The following NPR3 variants were observed in gnomAD, a reference collection of about 807,000 sequenced individuals.
The protein encoded by NPR3 is natriuretic peptide receptor 3.
A neutral mutation model predicts 54.5 loss-of-function variants in NPR3; 34 were observed. The observed-to-expected ratio is 0.62, with a 90% CI of 0.47 to 0.83. The LOEUF is 0.83. NPR3 is among the 40% of genes least tolerant of loss of function. NPR3 has a pLI of 0.00. For synonymous variants in NPR3, 289 were observed against 297.1 expected, an observed-to-expected ratio of 0.97 and a Z score of 0.28; for missense variants, 674 against 720.8, an observed-to-expected ratio of 0.94 and a Z score of 0.74.
chr5:32,779,137 A>T (rs932185263), intron 4 of NPR3, among the ~76,000 whole-genome samples: 3 of 152,174 alleles, frequency 2.0e-5, no homozygotes, highest in Admixed American at 6.5e-5. Context: ...ACCCACATAC[A>T]TGCCCTCTCC....
At chr5:32,781,394 A>G (rs956960400) in intron 5 of NPR3, among the ~76,000 whole-genome samples, 4 of 152,214 alleles carry the variant, frequency 2.6e-5, no homozygotes, top group Non-Finnish European at 5.9e-5. Context: ...AATTATAAAT[A>G]TACATATACA....
chr5:32,785,886 C>G (rs1742590890), intron 7 of NPR3, among the ~76,000 whole-genome samples: 1 of 152,202 alleles, frequency 6.6e-6, no homozygotes, highest in Non-Finnish European at 1.5e-5. Flanking sequence ...CAATTGTATT[C>G]CTGTTCCTTT....
Position 32,712,347 on chromosome 5 carries a change from C to G in NPR3, c.571C>G (p.Leu191Val). The G allele has an allele frequency of 6.2e-7, 1 of 1,613,078 alleles. No homozygotes were observed. The change falls in exon 1 of 8, where the codon CTG becomes GTG. Residue 191 changes from leucine (L) to valine (V), a missense_variant. Transcript: ENST00000265074. ...YAKMGEMMLA[L>V]FRHHHWSRAA... ...CAAGATGGGCGAGATGATGCTCGCC[C>G]TGTTCCGCCACCACCACTGGAGCCG...
chr5:32,725,320 A>G (rs1739084807), intron 2 of NPR3, among the ~76,000 whole-genome samples: 2 of 152,234 alleles, frequency 1.3e-5, no homozygotes, highest in African/African-American at 4.8e-5. Flanking sequence ...AGTTATGTCC[A>G]TAAATGTGAT....
intron 2 of NPR3, among the ~76,000 whole-genome samples, chr5:32,738,373 TA>T (rs1739862722): frequency 6.6e-6 from 1 of 151,972 alleles, no homozygotes; most frequent in Non-Finnish European, 1.5e-5. Flanking sequence ...CACTTATGAG[TA>T]ACATCACTAA....
At chr5:32,771,850 C>T (rs1312051228) in intron 3 of NPR3, among the ~76,000 whole-genome samples, 1 of 152,028 alleles carries the variant, frequency 6.6e-6, no homozygotes, top group African/African-American at 2.4e-5. Context: ...CAGAGCTTTC[C>T]GAGGGCACCT....
intron 3 of NPR3, among the ~76,000 whole-genome samples, chr5:32,749,234 C>T (rs73076082): frequency 0.11 from 17,418 of 152,008 alleles, 1,147 homozygotes; most frequent in Middle Eastern, 0.18. Flanking sequence ...AAAAAAGGTG[C>T]TTCTTACAAT....
chr5:32,695,466 C>T (rs1344514175), intron 1 of NPR3, among the ~76,000 whole-genome samples: 2 of 152,150 alleles, frequency 1.3e-5, no homozygotes, highest in Non-Finnish European at 2.9e-5. Flanking sequence ...GACGGAGTTT[C>T]ACGGTGTTAG....
At chr5:32,720,793 C>T (rs908423524) in intron 1 of NPR3, among the ~76,000 whole-genome samples, 2 of 152,176 alleles carry the variant, frequency 1.3e-5, no homozygotes, top group Non-Finnish European at 2.9e-5. Flanking sequence ...ATCTTATCAC[C>T]TGTTGGTAGG....
chr5:32,786,054 C>T (rs1468574519), intron 7 of NPR3, among the ~76,000 whole-genome samples, 180 bp from the exon 8 acceptor site: 1 of 152,206 alleles, frequency 6.6e-6, no homozygotes, highest in Admixed American at 6.5e-5. Context: ...AATTTTCTCT[C>T]TTGAATAAGG....
At chr5:32,723,204 C>T (rs1477685492) in intron 1 of NPR3, among the ~76,000 whole-genome samples, 1 of 152,188 alleles carries the variant, frequency 6.6e-6, no homozygotes, top group Non-Finnish European at 1.5e-5. Flanking sequence ...CAGGTCTCTC[C>T]AGGTCTCTCT....
chr5:32,734,762 A>G (rs700923), intron 2 of NPR3, among the ~76,000 whole-genome samples: 39,785 of 152,116 alleles, frequency 0.26, 5,449 homozygotes, highest in African/African-American at 0.34. Context: ...TTTAAATATG[A>G]CAAGTGTGAC....
At chr5:32,756,810 C>T (rs1740867653) in intron 3 of NPR3, among the ~76,000 whole-genome samples, 1 of 152,168 alleles carries the variant, frequency 6.6e-6, no homozygotes, top group South Asian at 2.1e-4. Context: ...CCAGTTTCAG[C>T]TTTCTACATA....
chr5:32,773,095 C>T (rs1741857274), intron 3 of NPR3, among the ~76,000 whole-genome samples: 1 of 152,132 alleles, frequency 6.6e-6, no homozygotes, highest in Non-Finnish European at 1.5e-5. Flanking sequence ...CAGCTCTCTT[C>T]CCACGAGGTT....
intron 3 of NPR3, among the ~76,000 whole-genome samples, chr5:32,764,529 T>C (rs963187956): frequency 2.6e-5 from 4 of 152,144 alleles, no homozygotes; most frequent in African/African-American, 9.7e-5. Context: ...GGCTCCTGTC[T>C]GTAATCCCAG....
intron 1 of NPR3, among the ~76,000 whole-genome samples, chr5:32,693,312 GTTTC>G (rs1740446830): frequency 6.6e-6 from 1 of 151,858 alleles, no homozygotes; most frequent in Non-Finnish European, 1.5e-5. Flanking sequence ...TGTGAATTCT[GTTTC>G]TTTAACTTCT....
intron 1 of NPR3, among the ~76,000 whole-genome samples, chr5:32,722,770 A>G (rs1259633611): frequency 1.3e-5 from 2 of 152,240 alleles, no homozygotes; most frequent in African/African-American, 4.8e-5. Flanking sequence ...ATCAAATCAG[A>G]GGTGAAACAA....
At chr5:32,722,576 C>G (rs111339683) in intron 1 of NPR3, among the ~76,000 whole-genome samples, 2,676 of 152,310 alleles carry the variant, frequency 0.018, 80 homozygotes, top group African/African-American at 0.061. Context: ...GAGCCAGACC[C>G]TGGACTATGA....
chr5:32,710,544 C>T (rs1044728098), upstream of NPR3: 4 of 1,228,102 alleles, frequency 3.3e-6, no homozygotes, highest in African/African-American at 4.7e-5. Context: ...ACACTGTGAC[C>T]TCGGCACCGC....
Sources: allele counts gnomAD v4.1 joint callset (sites outside exome capture counted in the v4.1 genomes callset), GRCh38; gene constraint gnomAD v4.1.1; transcripts MANE v1.5; gene names NCBI Gene and HGNC (gene_info 2026-07-23, HGNC 2026-07-21).